PIEZO2: variants seen among roughly 807,000 people sequenced by gnomAD.
PIEZO2 encodes the protein piezo type mechanosensitive ion channel component 2, also known as piezo-type mechanosensitive ion channel component 2.
A neutral mutation model predicts 337.3 loss-of-function variants in PIEZO2; 172 were observed. That is an observed-to-expected ratio of 0.51 (90% CI 0.45 to 0.58). PIEZO2 has a LOEUF of 0.58. PIEZO2 is among the 20% of genes least tolerant of loss of function. The pLI, the probability that PIEZO2 is intolerant of heterozygous loss-of-function variation, is 0.00. For missense variants in PIEZO2, 3,028 were observed against 3,391.3 expected (o/e 0.89, Z 2.66); for synonymous variants, 1,251 against 1,228.5 (o/e 1.02, Z -0.38).
intron 7 of PIEZO2, among the ~76,000 whole-genome samples, chr18:10,836,030 G>A (rs963181312): frequency 6.6e-6 from 1 of 152,118 alleles, no homozygotes; most frequent in Non-Finnish European, 1.5e-5. Flanking sequence ...AGCCTATGTC[G>A]CTTATGCTTT....
chr18:10,807,066 C>G (rs1222172872), intron 8 of PIEZO2, 46 bp downstream of exon 8: 1 of 1,489,144 alleles, frequency 6.7e-7, no homozygotes, highest in Admixed American at 2.0e-5. Context: ...CGTGGAGATT[C>G]TAGGTTACTT....
chr18:10,955,361 T>A (rs60189538), intron 3 of PIEZO2, among the ~76,000 whole-genome samples: 286 of 152,304 alleles, frequency 1.9e-3, no homozygotes, highest in African/African-American at 6.4e-3. Context: ...CTGGGAGGCC[T>A]GTAGTCCTTG....
chr18:10,999,994 C>A (rs1004078095), intron 2 of PIEZO2, among the ~76,000 whole-genome samples: 22 of 152,110 alleles, frequency 1.4e-4, no homozygotes, highest in Non-Finnish European at 5.9e-5. Context: ...ATGGCCATTT[C>A]ACTGGTATCA....
intron 4 of PIEZO2, among the ~76,000 whole-genome samples, chr18:10,896,815 GAGA>G (rs1230687196): frequency 2.0e-5 from 3 of 152,190 alleles, no homozygotes; most frequent in Non-Finnish European, 2.9e-5. Flanking sequence ...CCTCATGTCT[GAGA>G]AGAAGGTTCC....
intron 7 of PIEZO2, among the ~76,000 whole-genome samples, chr18:10,844,543 C>G (rs2041292284): frequency 6.6e-6 from 1 of 151,846 alleles, no homozygotes; most frequent in African/African-American, 2.4e-5. Context: ...AATGCCAGCA[C>G]TTTGGGAGGC....
In PIEZO2 at chr18:11,049,356, G is replaced by A. The variant is rs538252892; in HGVS notation, c.160+16771C>T. On this transcript the variant is annotated intron_variant, in intron 2 of 55. Transcript: ENST00000674853. ...GCCAGATTAATATTCTGGTGACCAA[G>A]GGTCTGTCTTCTTTACCTTTGTATG... Among the ~76,000 whole-genome samples the A allele has an allele frequency of 5.7e-4, 87 of 152,308 alleles. 1 individual carries two copies. The highest frequency in any genetic ancestry group is 1.9e-3 in the African/African-American group (81 of 41,552).
In PIEZO2 at chr18:10,828,422, G is replaced by C. The variant is rs763632629; in HGVS notation, c.918-21148C>G. On this transcript the variant is annotated intron_variant, in intron 7 of 55. Transcript: ENST00000674853. The surrounding 1 kb of genome is among the most constrained non-coding windows in gnomAD (Gnocchi z 4.1). The stretch of plus-strand genomic sequence containing the variant: ...AAGAAATTCCTATTTTAACAAAAAG[G>C]TTGGGGATTTTGGTGCATTTTAACA... Among the ~76,000 whole-genome samples the C allele has an allele frequency of 1.3e-5, 2 of 152,114 alleles. No homozygotes were observed. The highest frequency in any genetic ancestry group is 2.9e-5 in the Non-Finnish European group (2 of 68,030).
chr18:11,021,414 T>G lies in PIEZO2; in HGVS notation c.161-41754A>C, dbSNP rs539258299. ...TCTTGTATTCCATGCAACCTGCGTG[T>G]GTCTGAAACAATGTTTCCTTCTCTC... On this transcript the variant is annotated intron_variant, in intron 2 of 55. Transcript: ENST00000674853. This position sits in a 1 kb window ranked among gnomAD's most constrained non-coding sequence, Gnocchi z 4.7. 6.6e-6 allele frequency among the ~76,000 whole-genome samples: 1 copy of G among 152,308 alleles called. No homozygotes were observed. Among genetic ancestry groups the G allele is most frequent in the East Asian group, 1.9e-4 (1 of 5,184 alleles).
At chr18:10,995,082 A>AAAAAAAGAAAG (rs2035265702) in intron 2 of PIEZO2, among the ~76,000 whole-genome samples, 1 of 128,120 alleles carries the variant, frequency 7.8e-6, no homozygotes, top group Non-Finnish European at 1.6e-5. Flanking sequence ...CGTCTCAAAA[A>AAAAAAAGAAAG]AAAAAAAAAA....
chr18:10,750,338 TG>T lies in PIEZO2; in HGVS notation c.4168-152del, dbSNP rs2037599793. Among the ~76,000 whole-genome samples, 1 of 152,242 alleles carries T rather than the reference TG, an allele frequency of 6.6e-6. No individual in the cohort carries two copies. The highest frequency in any genetic ancestry group is 1.5e-5 in the Non-Finnish European group (1 of 68,034). Reference sequence around the variant, plus strand: ...TGTACCTAAAAATTCAGTCACCTTGTGGTAGTGCTTCAGGAGCAATGTAAAT... The same window carrying T: ...TGTACCTAAAAATTCAGTCACCTTGTGTAGTGCTTCAGGAGCAATGTAAAT... On this transcript the variant is annotated intron_variant, in intron 28 of 55. Transcript: ENST00000674853. This position sits in a 1 kb window ranked among gnomAD's most constrained non-coding sequence, Gnocchi z 4.1.
chr18:10,945,300 T>C lies in PIEZO2; in HGVS notation c.287-34072A>G, dbSNP rs141014930. Among the ~76,000 whole-genome samples, 423 of 152,248 alleles carry C rather than the reference T, an allele frequency of 2.8e-3. 3 individuals are homozygous for C. The highest frequency in any genetic ancestry group is 4.5e-3 in the Admixed American group (69 of 15,274). ...GCTCAGGGGATCCTCCCACCTCAGC[T>C]TCCCAAAGTGCTGGGATTACAGATG... is the stretch of plus-strand genomic sequence containing the variant. On this transcript the variant is annotated intron_variant, in intron 3 of 55. Transcript: ENST00000674853. This position sits in a 1 kb window ranked among gnomAD's most constrained non-coding sequence, Gnocchi z 4.0.
intron 1 of PIEZO2, among the ~76,000 whole-genome samples, chr18:11,135,117 T>C (rs1348373805): frequency 6.6e-6 from 1 of 152,066 alleles, no homozygotes; most frequent in African/African-American, 2.4e-5. Context: ...AATACACAGA[T>C]GGGAATATTT....
At position 10,855,374 on chromosome 18, in the gene PIEZO2, G is replaced by A. The variant is rs1289537608; in HGVS notation, c.896C>T (p.Pro299Leu). 10 of 1,536,168 alleles carry A rather than the reference G, an allele frequency of 6.5e-6. No homozygotes were observed. Among genetic ancestry groups the A allele is most frequent in the Non-Finnish European group, 8.7e-6 (10 of 1,145,948 alleles). The change falls in exon 7 of 56, where the codon CCA becomes CTA. Residue 299 changes from proline (P) to leucine (L), a missense_variant. By Grantham distance (98) the Pro-to-Leu change is moderately conservative. Transcript: ENST00000674853. The surrounding 1 kb of genome is among the most constrained non-coding windows in gnomAD (Gnocchi z 4.9). ...YQFQFFQEAV[P>L]PNDYYARLFG... ...TTACCTTGCATAGTAGTCATTGGGTGGAACTGCCTCTTGAAAGAATTGGAA... is the reference window on the plus strand; with the variant it reads ...TTACCTTGCATAGTAGTCATTGGGTAGAACTGCCTCTTGAAAGAATTGGAA...
intron 3 of PIEZO2, among the ~76,000 whole-genome samples, chr18:10,944,328 A>C (rs1033292648): frequency 6.6e-6 from 1 of 151,800 alleles, no homozygotes; most frequent in Non-Finnish European, 1.5e-5. Context: ...AAGACCAAGA[A>C]AGAAACAATA....
intron 3 of PIEZO2, among the ~76,000 whole-genome samples, chr18:10,916,613 G>C (rs927337865): frequency 2.6e-5 from 4 of 152,250 alleles, no homozygotes; most frequent in African/African-American, 9.6e-5. Context: ...TCTAGAACTC[G>C]CGTCGGCCGG....
chr18:10,674,360 G>C (rs901231125), intron 54 of PIEZO2, among the ~76,000 whole-genome samples: 1 of 152,232 alleles, frequency 6.6e-6, no homozygotes, highest in Admixed American at 6.5e-5. Flanking sequence ...CTGACTGAAA[G>C]GGAAATAGCA....
chr18:10,829,219 T>C (rs1230577380), intron 7 of PIEZO2, among the ~76,000 whole-genome samples: 1 of 152,080 alleles, frequency 6.6e-6, no homozygotes, highest in Non-Finnish European at 1.5e-5. Flanking sequence ...CAAAGTAGGA[T>C]ATTTTGGGAT....
chr18:11,001,267 T>C lies in PIEZO2; in HGVS notation c.161-21607A>G, dbSNP rs1190688605. Among the ~76,000 whole-genome samples the C allele has an allele frequency of 6.6e-6, 1 of 152,186 alleles. No homozygotes were observed. Among genetic ancestry groups the C allele is most frequent in the African/African-American group, 2.4e-5 (1 of 41,458 alleles). ...TACTTTATGGCTTATGGTGGATTTTTATGCATGGGTCATCTGGCCACGATT... is the reference window on the plus strand; with the variant it reads ...TACTTTATGGCTTATGGTGGATTTTCATGCATGGGTCATCTGGCCACGATT... On this transcript the variant is annotated intron_variant, in intron 2 of 55. Transcript: ENST00000674853. The surrounding 1 kb of genome is among the most constrained non-coding windows in gnomAD (Gnocchi z 5.3).
intron 45 of PIEZO2, among the ~76,000 whole-genome samples, chr18:10,696,883 T>C (rs960604617): frequency 9.2e-5 from 14 of 152,162 alleles, no homozygotes; most frequent in Admixed American, 8.5e-4. Flanking sequence ...ACCATGAGCA[T>C]GCTATGTAAC....
Sources: allele counts gnomAD v4.1 joint callset (sites outside exome capture counted in the v4.1 genomes callset), GRCh38; gene constraint gnomAD v4.1.1; non-coding constraint Gnocchi (gnomAD v3.1); transcripts MANE v1.5; gene names NCBI Gene and HGNC (gene_info 2026-07-23, HGNC 2026-07-21).